Variants in YES1 observed in about 807,000 individuals in gnomAD.
The protein encoded by YES1 is YES proto-oncogene 1, Src family tyrosine kinase.
In YES1, 39 loss-of-function variants were observed where a neutral mutation model predicts 70.4. The observed-to-expected ratio is 0.55, with a 90% CI of 0.43 to 0.72. The LOEUF (loss-of-function observed/expected upper bound fraction) is 0.72. YES1 is among the 30% of genes least tolerant of loss of function. YES1 has a pLI of 0.00. For missense variants in YES1, 495 were observed against 644.8 expected, an observed-to-expected ratio of 0.77 and a Z score of 2.52; for synonymous variants, 198 against 218.6, an observed-to-expected ratio of 0.91 and a Z score of 0.83.
chr18:750,881 T>C (rs964938398), intron 3 of YES1, among the ~76,000 whole-genome samples: 3 of 151,790 alleles, frequency 2.0e-5, no homozygotes, highest in Non-Finnish European at 4.4e-5. Flanking sequence ...AGCATGAGAG[T>C]ATAAGAAACT....
intron 1 of YES1, among the ~76,000 whole-genome samples, chr18:771,872 G>A (rs1905173653): frequency 6.6e-6 from 1 of 151,910 alleles, no homozygotes; most frequent in South Asian, 2.1e-4. Flanking sequence ...GTATCTGCTT[G>A]GTAAGTCTAA....
At chr18:800,887 A>C (rs1287421654) in intron 1 of YES1, among the ~76,000 whole-genome samples, 2 of 151,970 alleles carry the variant, frequency 1.3e-5, no homozygotes, top group East Asian at 1.9e-4. Context: ...GTGGCTCACG[A>C]CTGTAATCCC....
intron 10 of YES1, among the ~76,000 whole-genome samples, chr18:733,554 T>C (rs1356049817): frequency 1.3e-5 from 2 of 151,390 alleles, no homozygotes; most frequent in Non-Finnish European, 2.9e-5. Context: ...GAGGCCGAGG[T>C]GAGTGGATCA....
intron 1 of YES1, among the ~76,000 whole-genome samples, chr18:782,308 C>G (rs928584630): frequency 1.3e-5 from 2 of 152,162 alleles, no homozygotes; most frequent in African/African-American, 2.4e-5. Flanking sequence ...GCTGAGGAAC[C>G]ATAAAATATC....
intron 1 of YES1, among the ~76,000 whole-genome samples, chr18:780,008 T>C (rs1213032227): frequency 6.7e-6 from 1 of 148,598 alleles, no homozygotes; most frequent in African/African-American, 2.5e-5. Context: ...CTGAGGAGGG[T>C]AGATTACCTG....
At position 724,081 on chromosome 18, in the gene YES1, T is replaced by A; in HGVS notation, c.*343A>T. ...GTTTTATCTGTAACAATAAATAATTTTCTTTGAGCAATTCTGACTTTGGGG... is the reference window on the plus strand; with the variant it reads ...GTTTTATCTGTAACAATAAATAATTATCTTTGAGCAATTCTGACTTTGGGG... On this transcript the variant is annotated 3_prime_UTR_variant, in exon 12 of 12. Coordinates refer to ENST00000314574, the MANE Select transcript of YES1 (RefSeq NM_005433.4). 1 of 182,514 alleles carries A rather than the reference T, an allele frequency of 5.5e-6. No homozygotes were observed. Among genetic ancestry groups the A allele is most frequent in the Non-Finnish European group, 1.2e-5 (1 of 86,454 alleles). The allele number at this position is 182,514 out of a possible 1,614,324, so 11.3% of individuals were successfully genotyped here. A position where few individuals can be genotyped will look rare whatever the true frequency, so the allele number is the denominator to read the frequency against.
chr18:806,656 A>C (rs925799165), intron 1 of YES1, among the ~76,000 whole-genome samples: 1 of 152,270 alleles, frequency 6.6e-6, no homozygotes, highest in Non-Finnish European at 1.5e-5. Context: ...CTAGGTCAAG[A>C]ATAACAGACA....
At chr18:767,867 A>T (rs1289280396) in intron 1 of YES1, among the ~76,000 whole-genome samples, 1 of 151,910 alleles carries the variant, frequency 6.6e-6, no homozygotes, top group East Asian at 1.9e-4. Flanking sequence ...CAACTGGCTA[A>T]TTTTTGTATT....
At chr18:724,705 G>A in intron 11 of YES1, 73 bp from the exon 12 acceptor site, 1 of 1,164,258 alleles carries the variant, frequency 8.6e-7, no homozygotes, top group Non-Finnish European at 1.3e-6. Flanking sequence ...AAACCCCCTA[G>A]CCACTAACTC....
At chr18:775,778 C>T (rs1326082233) in intron 1 of YES1, among the ~76,000 whole-genome samples, 1 of 151,668 alleles carries the variant, frequency 6.6e-6, no homozygotes, top group African/African-American at 2.4e-5. Flanking sequence ...GCCTGGGTGA[C>T]AGAGTGAGAA....
intron 1 of YES1, among the ~76,000 whole-genome samples, chr18:783,390 AACAC>A (rs34769090): frequency 1.2e-4 from 18 of 149,820 alleles, no homozygotes; most frequent in Admixed American, 2.0e-4. Context: ...ATGTAGGGGA[AACAC>A]ACACACACAC....
intron 8 of YES1, among the ~76,000 whole-genome samples, chr18:740,731 T>C (rs1392775511): frequency 1.3e-5 from 2 of 152,236 alleles, no homozygotes; most frequent in Non-Finnish European, 2.9e-5. Flanking sequence ...TTATCTTGTA[T>C]TCTAAATCTC....
chr18:792,527 A>C (rs1004028270), intron 1 of YES1, among the ~76,000 whole-genome samples: 9 of 115,340 alleles, frequency 7.8e-5, no homozygotes, highest in East Asian at 2.3e-4. Flanking sequence ...CTGAGACTCC[A>C]TCTCTCTCTC....
At chr18:738,358 T>A (rs1264379852) in intron 9 of YES1, 1 of 152,182 alleles carries the variant, frequency 6.6e-6, no homozygotes, top group East Asian at 1.9e-4. Context: ...TTTTAAACTG[T>A]ATATATACCA....
intron 11 of YES1, among the ~76,000 whole-genome samples, chr18:732,242 C>T (rs912277200): frequency 1.3e-5 from 2 of 151,528 alleles, no homozygotes; most frequent in African/African-American, 4.8e-5. Flanking sequence ...AGTTCGAGAC[C>T]AGCTTAGCCA....
intron 9 of YES1, chr18:738,532 T>C (rs1434260814): frequency 1.3e-5 from 2 of 151,528 alleles, no homozygotes; most frequent in Non-Finnish European, 2.9e-5. Flanking sequence ...CTACTAAAAA[T>C]ACAAAAGATT....
chr18:736,521 C>T (rs1253673417), intron 10 of YES1: 5 of 220,934 alleles, frequency 2.3e-5, no homozygotes, highest in Non-Finnish European at 4.4e-5. Flanking sequence ...AACCTCTGGC[C>T]TTTCTAGGAA....
chr18:774,781 A>C (rs1396240295), intron 1 of YES1, among the ~76,000 whole-genome samples: 1 of 152,138 alleles, frequency 6.6e-6, no homozygotes, highest in African/African-American at 2.4e-5. Context: ...GTAGTTTAAC[A>C]TCACTCCTCT....
chr18:728,910 T>C (rs1301192112), intron 11 of YES1, among the ~76,000 whole-genome samples: 1 of 152,236 alleles, frequency 6.6e-6, no homozygotes, highest in Non-Finnish European at 1.5e-5. Context: ...TTGACCATGA[T>C]ATGTTTGCTT....
Sources: allele counts gnomAD v4.1 joint callset (sites outside exome capture counted in the v4.1 genomes callset), GRCh38; gene constraint gnomAD v4.1.1; transcripts MANE v1.5; gene names NCBI Gene and HGNC (gene_info 2026-07-23, HGNC 2026-07-21).